The following SULF2 variants were observed in gnomAD, a reference collection of about 807,000 sequenced individuals.
The protein encoded by SULF2 is sulfatase 2.
A neutral mutation model predicts 107.7 loss-of-function variants in SULF2; 52 were observed. The observed-to-expected ratio is 0.48, with a 90% CI of 0.39 to 0.61. SULF2 has a LOEUF of 0.61. Ranked by LOEUF, SULF2 falls within the 20% of genes least tolerant of loss-of-function variation. SULF2 has a pLI of 0.00. For missense variants in SULF2, 993 were observed against 1,177.3 expected, an observed-to-expected ratio of 0.84 and a Z score of 2.29; for synonymous variants, 460 against 464.3, an observed-to-expected ratio of 0.99 and a Z score of 0.12.
At chr20:47,739,256 G>A (rs1371773244) in intron 2 of SULF2, among the ~76,000 whole-genome samples, 1 of 152,200 alleles carries the variant, frequency 6.6e-6, no homozygotes, top group Non-Finnish European at 1.5e-5. Context: ...TGTGAAGGCT[G>A]TGATCCCAAT....
Position 47,672,269 on chromosome 20 carries a change from T to G in SULF2, c.1505A>C (p.Glu502Ala), listed in dbSNP as rs772668532. 10 of 1,613,604 alleles carry G rather than the reference T, an allele frequency of 6.2e-6. No individual in the cohort carries two copies. The South Asian group carries it at 9.9e-5, about 16-fold the overall frequency. The change falls in exon 11 of 21, where the codon GAG (glutamate) becomes GCG (alanine). Residue 502 changes from glutamate to alanine, a missense_variant. By Grantham distance (107) the Glu-to-Ala change is moderately radical. This residue lies in a region of SULF2 where 497 missense variants were observed against 544.1 expected (regional missense o/e 0.91). Transcript: ENST00000688720. ...LVPKYYGQGS[E>A]ACTCDSGDYK... ...GTCCCCGCTGTCACAGGTGCAGGCCTCGCTGCCCTGCCCGTAGTACTTGGG... is the reference window on the plus strand; with the variant it reads ...GTCCCCGCTGTCACAGGTGCAGGCCGCGCTGCCCTGCCCGTAGTACTTGGG...
chr20:47,685,232 C>G (rs1360977068), intron 5 of SULF2: 2 of 152,230 alleles, frequency 1.3e-5, no homozygotes, highest in African/African-American at 4.8e-5. Flanking sequence ...ATGCCACATT[C>G]TTTTTTATTT....
intron 1 of SULF2, among the ~76,000 whole-genome samples, chr20:47,774,476 G>A (rs1233527862): frequency 1.3e-5 from 2 of 152,168 alleles, no homozygotes; most frequent in African/African-American, 4.8e-5. Flanking sequence ...TCTGGAGGGG[G>A]ATATTGAGGC....
At chr20:47,733,441 C>T (rs1315027335) in intron 3 of SULF2, among the ~76,000 whole-genome samples, 1 of 152,220 alleles carries the variant, frequency 6.6e-6, no homozygotes, top group South Asian at 2.1e-4. Context: ...TCATTAGTTG[C>T]AACTAGAGCC....
chr20:47,677,563 T>C (rs890137144), intron 8 of SULF2, among the ~76,000 whole-genome samples: 2 of 152,160 alleles, frequency 1.3e-5, no homozygotes, highest in Admixed American at 6.5e-5. Flanking sequence ...TTGAGCTCTG[T>C]CTTGAGCTCA....
chr20:47,689,862 C>G (rs539403525), intron 5 of SULF2: 2 of 347,658 alleles, frequency 5.8e-6, no homozygotes, highest in South Asian at 3.0e-4. Context: ...GAAACCTATT[C>G]TATGCAGTTC....
chr20:47,773,456 G>A (rs2090668512), intron 1 of SULF2, among the ~76,000 whole-genome samples: 1 of 152,248 alleles, frequency 6.6e-6, no homozygotes, highest in East Asian at 1.9e-4. Context: ...CCTGGGGTGG[G>A]AATGTGCACA....
chr20:47,675,681 G>C (rs2087616250), intron 10 of SULF2, among the ~76,000 whole-genome samples: 1 of 152,030 alleles, frequency 6.6e-6, no homozygotes, highest in Admixed American at 6.6e-5. Context: ...GCAGGGCAGG[G>C]ACACACCTCC....
At chr20:47,764,945 A>C (rs965622936) in intron 1 of SULF2, among the ~76,000 whole-genome samples, 21 of 152,170 alleles carry the variant, frequency 1.4e-4, no homozygotes, top group African/African-American at 4.6e-4. Flanking sequence ...CAGACAAGGA[A>C]GATAAGGCAC....
chr20:47,717,240 C>G (rs1231249300), intron 3 of SULF2, among the ~76,000 whole-genome samples: 1 of 152,134 alleles, frequency 6.6e-6, no homozygotes, highest in Non-Finnish European at 1.5e-5. Context: ...CTACAACATC[C>G]CAGTGAGGTA....
chr20:47,722,681 C>T (rs1246504308), intron 3 of SULF2, among the ~76,000 whole-genome samples: 1 of 152,128 alleles, frequency 6.6e-6, no homozygotes, highest in East Asian at 1.9e-4. Context: ...CCTGTAATCC[C>T]AGCACTTTGG....
intron 3 of SULF2, among the ~76,000 whole-genome samples, chr20:47,714,962 G>C (rs571130382): frequency 2.6e-5 from 4 of 152,300 alleles, no homozygotes; most frequent in African/African-American, 9.6e-5. Context: ...CTGTCACCCA[G>C]GCTGGAGTGC....
intron 2 of SULF2, among the ~76,000 whole-genome samples, chr20:47,740,821 T>C (rs1600621456): frequency 6.6e-6 from 1 of 152,234 alleles, no homozygotes; most frequent in Non-Finnish European, 1.5e-5. Flanking sequence ...CTGACATCCA[T>C]TGATGTCATT....
chr20:47,756,608 C>T (rs1488889396), intron 2 of SULF2, among the ~76,000 whole-genome samples: 2 of 151,290 alleles, frequency 1.3e-5, no homozygotes, highest in South Asian at 4.2e-4. Context: ...CCACAACCCA[C>T]AAGAGCCTCC....
At chr20:47,675,382 G>A (rs1455859619) in intron 10 of SULF2, among the ~76,000 whole-genome samples, 1 of 152,176 alleles carries the variant, frequency 6.6e-6, no homozygotes, top group South Asian at 2.1e-4. Flanking sequence ...GTACAACGGA[G>A]GGATGAAATC....
chr20:47,663,736 A>G (rs2087168376), intron 15 of SULF2, 114 bp from the exon 16 acceptor site: 2 of 1,239,210 alleles, frequency 1.6e-6, no homozygotes, highest in Non-Finnish European at 2.2e-6. Context: ...ACAGAGAGCC[A>G]TGGGCATAGC....
intron 5 of SULF2, 128 bp downstream of exon 5, chr20:47,689,998 G>T: frequency 2.2e-6 from 2 of 929,438 alleles, no homozygotes; most frequent in Non-Finnish European, 2.8e-6. Flanking sequence ...TGTTCTTGGG[G>T]TCTTTAAACC....
rs1016201886 is a variant in SULF2 at position 47,757,271 on chromosome 20, C to T, written c.93G>A (p.Leu31=). 13 of 1,582,976 alleles carry T rather than the reference C, an allele frequency of 8.2e-6. No homozygotes were observed. Among genetic ancestry groups the T allele is most frequent in the Non-Finnish European group, 1.1e-5 (13 of 1,163,494 alleles). Residue 31 remains leucine, a synonymous_variant, in exon 2 of 21, where the codon CTG becomes CTA. Transcript: ENST00000688720. Reference sequence around the variant, plus strand: ...TGCGGTCCCTCTGAAACCTGCCTTTCAGGCGGTGGTGCGACAGGAAGGCCG... The same window carrying T: ...TGCGGTCCCTCTGAAACCTGCCTTTTAGGCGGTGGTGCGACAGGAAGGCCG... ...GSSAFLSHHR[L]KGRFQRDRRN... is the part of the protein sequence containing the mutation.
At chr20:47,673,989 G>A (rs903318400) in intron 10 of SULF2, among the ~76,000 whole-genome samples, 4 of 152,226 alleles carry the variant, frequency 2.6e-5, no homozygotes, top group African/African-American at 9.6e-5. Context: ...AACAAACTCA[G>A]CTGGGGCACG....
Sources: gnomAD v4.1 joint callset for allele counts (sites outside exome capture counted in the v4.1 genomes callset) on GRCh38, gnomAD v4.1.1 for gene constraint, gnomAD v4.1.1 regional missense constraint, MANE v1.5 for transcripts, NCBI Gene and HGNC (gene_info 2026-07-23, HGNC 2026-07-21) for gene names.